The following GRM3 variants were observed in gnomAD, a reference collection of about 807,000 sequenced individuals.
GRM3 encodes metabotropic glutamate receptor 3.
A neutral mutation model predicts 70.5 loss-of-function variants in GRM3; 26 were observed. The observed-to-expected ratio is 0.37, with a 90% CI of 0.27 to 0.51. The LOEUF is 0.51. Ranked by LOEUF, GRM3 falls within the 20% of genes least tolerant of loss-of-function variation. The pLI, the probability that GRM3 is intolerant of heterozygous loss-of-function variation, is 0.93. For missense variants in GRM3, 859 were observed against 1,123.8 expected (o/e 0.76, Z 3.37); for synonymous variants, 443 against 434.9 (o/e 1.02, Z -0.23).
chr7:86,683,776 T>C (rs1794496840), intron 1 of GRM3, among the ~76,000 whole-genome samples: 1 of 152,106 alleles, frequency 6.6e-6, no homozygotes, highest in African/African-American at 2.4e-5. Context: ...AACTGGAAAG[T>C]GCCAGGTGCC....
At chr7:86,682,710 G>A (rs369642877) in intron 1 of GRM3, among the ~76,000 whole-genome samples, 10 of 152,042 alleles carry the variant, frequency 6.6e-5, no homozygotes, top group East Asian at 3.9e-4. Flanking sequence ...TACTTTTCAA[G>A]CATTTTTTTA....
intron 1 of GRM3, among the ~76,000 whole-genome samples, chr7:86,724,120 T>C (rs1207911868): frequency 6.6e-6 from 1 of 152,150 alleles, no homozygotes. Context: ...AATTAACGCT[T>C]TCCAATAACA....
intron 1 of GRM3, among the ~76,000 whole-genome samples, chr7:86,698,714 A>T (rs1253463879): frequency 6.6e-6 from 1 of 151,960 alleles, no homozygotes; most frequent in African/African-American, 2.4e-5. Context: ...TTAATATCTG[A>T]TTAAGACAGA....
intron 5 of GRM3, among the ~76,000 whole-genome samples, chr7:86,862,137 A>G (rs1278133515): frequency 6.6e-6 from 1 of 152,200 alleles, no homozygotes; most frequent in Non-Finnish European, 1.5e-5. Context: ...GAGGCAGGTT[A>G]GGGAATCAAG....
chr7:86,777,644 T>C (rs1303396895), intron 2 of GRM3, among the ~76,000 whole-genome samples: 1 of 152,178 alleles, frequency 6.6e-6, no homozygotes, highest in African/African-American at 2.4e-5. Context: ...ATGCAAATTG[T>C]TCCCAGATGT....
intron 1 of GRM3, among the ~76,000 whole-genome samples, chr7:86,688,448 TCA>T (rs1339862639): frequency 6.6e-6 from 1 of 151,620 alleles, no homozygotes; most frequent in East Asian, 1.9e-4. Context: ...AGCTATAAAA[TCA>T]CAAAGTTTTC....
At chr7:86,831,575 T>C (rs1798352777) in intron 3 of GRM3, among the ~76,000 whole-genome samples, 1 of 152,142 alleles carries the variant, frequency 6.6e-6, no homozygotes, top group Non-Finnish European at 1.5e-5. Flanking sequence ...GGAATCTCCA[T>C]AATTTCCACT....
intron 1 of GRM3, among the ~76,000 whole-genome samples, chr7:86,744,456 A>G (rs1336201506): frequency 6.6e-6 from 1 of 151,812 alleles, no homozygotes; most frequent in Non-Finnish European, 1.5e-5. Flanking sequence ...GAGCATGAAG[A>G]ACTTTCCAAG....
chr7:86,669,512 A>G (rs946360213), intron 1 of GRM3, among the ~76,000 whole-genome samples: 37 of 152,290 alleles, frequency 2.4e-4, no homozygotes, highest in African/African-American at 7.9e-4. Flanking sequence ...CTGTTTTTCA[A>G]TGTTTTCCTA....
At chr7:86,682,352 T>G (rs1171621871) in intron 1 of GRM3, among the ~76,000 whole-genome samples, 1 of 152,182 alleles carries the variant, frequency 6.6e-6, no homozygotes, top group Non-Finnish European at 1.5e-5. Context: ...ACTTGTATTT[T>G]ATGCGAATGC....
At chr7:86,685,796 C>A (rs758959247) in intron 1 of GRM3, among the ~76,000 whole-genome samples, 8 of 151,640 alleles carry the variant, frequency 5.3e-5, no homozygotes, top group Middle Eastern at 3.4e-3. Context: ...GTCCAAGCTA[C>A]TCACAAGGCT....
Position 86,786,437 on chromosome 7 carries a change from A to T in GRM3, c.645A>T (p.Thr215=). ...TCTTCAACTGGACCTACGTGTCCAC[A>T]GTAGCCTCCGAGGGTGATTACGGGG... ...LRFFNWTYVS[T]VASEGDYGET... is the part of the protein sequence containing the mutation. The change falls in exon 3 of 6, where the codon ACA becomes ACT. Residue 215 remains threonine (T), a synonymous_variant. Transcript: ENST00000361669. This position sits in a 1 kb window ranked among gnomAD's most constrained non-coding sequence, Gnocchi z 6.0. The T allele has an allele frequency of 6.2e-7, 1 of 1,614,210 alleles. No homozygotes were observed. The highest frequency in any genetic ancestry group is 8.5e-7 in the Non-Finnish European group (1 of 1,180,014).
intron 1 of GRM3, among the ~76,000 whole-genome samples, chr7:86,668,774 C>G (rs1451821842): frequency 1.3e-5 from 2 of 152,120 alleles, no homozygotes; most frequent in Non-Finnish European, 2.9e-5. Flanking sequence ...GTCTACCCAA[C>G]CAAAAGCAAA....
At chr7:86,727,034 G>A (rs1053743173) in intron 1 of GRM3, among the ~76,000 whole-genome samples, 4 of 152,170 alleles carry the variant, frequency 2.6e-5, no homozygotes, top group Non-Finnish European at 5.9e-5. Context: ...CTACAGATTA[G>A]GAGACAATTC....
chr7:86,855,292 C>CA (rs1471922990), intron 5 of GRM3, among the ~76,000 whole-genome samples: 9 of 152,128 alleles, frequency 5.9e-5, no homozygotes, highest in Non-Finnish European at 1.0e-4. Flanking sequence ...CTATAGGAGT[C>CA]ATGCAGGTGA....
At chr7:86,788,690 A>G (rs1797331615) in intron 3 of GRM3, among the ~76,000 whole-genome samples, 1 of 152,202 alleles carries the variant, frequency 6.6e-6, no homozygotes, top group South Asian at 2.1e-4. Flanking sequence ...GAATATCTTT[A>G]CTCTAAAAAT....
chr7:86,781,005 G>A (rs1014178912), intron 2 of GRM3, among the ~76,000 whole-genome samples: 1 of 152,200 alleles, frequency 6.6e-6, no homozygotes, highest in Non-Finnish European at 1.5e-5. Flanking sequence ...TATGACAAAA[G>A]TGAGTACAGT....
At chr7:86,678,382 GAAGAA>G (rs1056072230) in intron 1 of GRM3, among the ~76,000 whole-genome samples, 5 of 151,946 alleles carry the variant, frequency 3.3e-5, no homozygotes, top group African/African-American at 1.2e-4. Context: ...TTTAAAACAA[GAAGAA>G]AAGAATAGGC....
chr7:86,709,839 T>C (rs759301493), intron 1 of GRM3, among the ~76,000 whole-genome samples: 3 of 152,068 alleles, frequency 2.0e-5, no homozygotes, highest in Non-Finnish European at 2.9e-5. Flanking sequence ...TCCTAAGACT[T>C]AGTAGATGTA....
Sources: gnomAD v4.1 joint callset for allele counts (sites outside exome capture counted in the v4.1 genomes callset) on GRCh38, gnomAD v4.1.1 for gene constraint, Gnocchi (gnomAD v3.1) non-coding constraint, MANE v1.5 for transcripts, NCBI Gene and HGNC (gene_info 2026-07-23, HGNC 2026-07-21) for gene names.